The following TCF20 variants were observed in gnomAD, a reference collection of about 807,000 sequenced individuals.
TCF20 encodes transcription factor 20, also known as SPRE-binding protein.
TCF20 carries 3 observed loss-of-function variants against 148.6 expected under a neutral mutation model. The ratio of observed to expected loss-of-function variants is 0.02; its 90% confidence interval spans 0.01 to 0.05. The LOEUF (loss-of-function observed/expected upper bound fraction) is 0.05. Ranked by LOEUF, TCF20 falls within the 10% of genes least tolerant of loss-of-function variation. The pLI, the probability that TCF20 is intolerant of heterozygous loss-of-function variation, is 1.00. For missense variants in TCF20, 2,350 were observed against 2,429.3 expected (o/e 0.97, Z 0.69); for synonymous variants, 1,049 against 909.5 (o/e 1.15, Z -2.76).
rs968949742 is a variant in TCF20 at position 42,276,917 on chromosome 22, G to A, written c.-37+6910C>T. 3 of 152,154 alleles carry A rather than the reference G, an allele frequency of 2.0e-5. No individual in the cohort carries two copies. The East Asian group carries it at 5.8e-4, about 29-fold the overall frequency. 9.4% of individuals were successfully genotyped at this position (152,154 alleles called of 1,614,324 possible). ...CACTTTTCCCTGCCCACCCATCCCT[G>A]TGGCGGATTCATTACAGTTATCCAA... is the stretch of plus-strand genomic sequence containing the variant. On this transcript the variant is annotated intron_variant, in intron 1 of 5. Coordinates refer to the TCF20 transcript ENST00000359486.
chr22:42,242,754 G>A (rs947488616), intron 1 of TCF20, among the ~76,000 whole-genome samples: 3 of 151,966 alleles, frequency 2.0e-5, no homozygotes, highest in African/African-American at 4.8e-5. Flanking sequence ...AAGGGTGGTG[G>A]TGGGCACCTG....
Position 42,214,941 on chromosome 22 carries a change from T to C in TCF20, c.365A>G (p.Gln122Arg). 6.2e-7 allele frequency: 1 copy of C among 1,614,102 alleles called. No homozygotes were observed. Among genetic ancestry groups the C allele is most frequent in the South Asian group, 1.1e-5 (1 of 91,080 alleles). ...SGPVQSYGPP[Q>R]GSSFGNQYGS... ...ATACTGATTGCCAAAGCTGCTCCCC[T>C]GGGGGGGTCCATAGCTCTGCACAGG... is the stretch of plus-strand genomic sequence containing the variant. The change falls in exon 2 of 6, where the codon CAG becomes CGG. Residue 122 changes from glutamine to arginine, a missense_variant. By Grantham distance (43) the Gln-to-Arg change is conservative. Transcript: ENST00000677622.
In TCF20 at chr22:42,213,858, T is replaced by C; in HGVS notation, c.1448A>G (p.Lys483Arg). The change falls in exon 2 of 6, where the codon AAG becomes AGG. Residue 483 changes from lysine (K) to arginine (R), a missense_variant. Around this residue, in one of 7 missense-constraint regions of TCF20, gnomAD observed 1,641 missense variants for 1,662.6 expected, o/e 0.99. Transcript: ENST00000677622. ...AGATGAGGGCCTCTTGGAGGTCTTCTTCTGAGGAGTCAGGGCATCAGAAAG... is the reference window on the plus strand; with the variant it reads ...AGATGAGGGCCTCTTGGAGGTCTTCCTCTGAGGAGTCAGGGCATCAGAAAG... The part of the protein sequence containing the change: ...MLLSDALTPQ[K>R]KTSKRPSSSK... The C allele has an allele frequency of 2.5e-6, 4 of 1,614,226 alleles. No individual in the cohort carries two copies. Among genetic ancestry groups the C allele is most frequent in the Non-Finnish European group, 3.4e-6 (4 of 1,180,046 alleles).
At chr22:42,284,798 C>G (rs560805222), upstream of TCF20, among the ~76,000 whole-genome samples, 4 of 152,240 alleles carry the variant, frequency 2.6e-5, no homozygotes. Context: ...CTACTACCTG[C>G]AAGCCCAGCA....
rs770464679 is a variant in TCF20 at position 42,179,581 on chromosome 22, T to C, written c.5749+28A>G. The C allele has an allele frequency of 1.1e-5, 16 of 1,523,374 alleles. No individual in the cohort carries two copies. In the Admixed American group the frequency reaches 1.5e-4, roughly 14 times the overall value. The allele number at this position is 1,523,374 out of a possible 1,614,324, so 94.4% of individuals were successfully genotyped here. On this transcript the variant is annotated intron_variant, in intron 3 of 5. Coordinates refer to ENST00000677622, the MANE Select transcript of TCF20 (RefSeq NM_001378418.1). ...GTATGTCCTAATCCTTTGGATGCTC[T>C]GGACAAGGGTCTGTGGTCTCCTCTT...
chr22:42,321,027 G>A (rs1435668694), intron 1 of TCF20, among the ~76,000 whole-genome samples: 1 of 152,220 alleles, frequency 6.6e-6, no homozygotes, highest in Non-Finnish European at 1.5e-5. Flanking sequence ...ATAACATTAT[G>A]GCTGAGAATT....
At position 42,214,211 on chromosome 22, in the gene TCF20, G is replaced by A; in HGVS notation, c.1095C>T (p.Ser365=). The A allele has an allele frequency of 6.2e-7, 1 of 1,614,252 alleles. No homozygotes were observed. Among genetic ancestry groups the A allele is most frequent in the Non-Finnish European group, 8.5e-7 (1 of 1,180,046 alleles). Residue 365 remains serine (S), a synonymous_variant, in exon 2 of 6, where the codon AGC becomes AGT. Coordinates refer to ENST00000677622, the MANE Select transcript of TCF20 (RefSeq NM_001378418.1). ...CAGCTGGAGAAGGGTTAGAAATGGGGCTGAAGTTCTGGTGAAACTGCATGG... is the reference window on the plus strand; with the variant it reads ...CAGCTGGAGAAGGGTTAGAAATGGGACTGAAGTTCTGGTGAAACTGCATGG... The part of the protein sequence containing the change: ...RSPMQFHQNF[S]PISNPSPAAS...
upstream of TCF20, among the ~76,000 whole-genome samples, chr22:42,270,734 G>A (rs1926575837): frequency 7.0e-6 from 1 of 143,182 alleles, no homozygotes; most frequent in African/African-American, 2.5e-5. Context: ...GCGCGGCGGG[G>A]CGGGGCGCGC....
chr22:42,212,153 G>T lies in TCF20; in HGVS notation c.3153C>A (p.Pro1051=), dbSNP rs1412908475. The T allele has an allele frequency of 6.2e-7, 1 of 1,614,212 alleles. No individual in the cohort carries two copies. The highest frequency in any genetic ancestry group is 8.5e-7 in the Non-Finnish European group (1 of 1,180,044). Reference sequence around the variant, plus strand: ...CCAGGGTTTCTGAGTTGGGAGAAAAGGGAGTGTGTAAAGAACTCCGGTTAG... The same window carrying T: ...CCAGGGTTTCTGAGTTGGGAGAAAATGGAGTGTGTAAAGAACTCCGGTTAG... The part of the protein sequence containing the change: ...ERANRSSLHT[P]FSPNSETLAS... Residue 1051 remains proline, a synonymous_variant, in exon 2 of 6, where the codon CCC becomes CCA. Transcript: ENST00000677622.
At chr22:42,249,894 T>C (rs910677440) in intron 1 of TCF20, among the ~76,000 whole-genome samples, 1 of 152,198 alleles carries the variant, frequency 6.6e-6, no homozygotes, top group Non-Finnish European at 1.5e-5. Flanking sequence ...ATTTTTTTTT[T>C]GCAAACTGAA....
At chr22:42,285,304 A>G (rs1411891606), upstream of TCF20, among the ~76,000 whole-genome samples, 1 of 150,910 alleles carries the variant, frequency 6.6e-6, no homozygotes, top group Non-Finnish European at 1.5e-5. This position sits in a 1 kb window ranked among gnomAD's most constrained non-coding sequence, Gnocchi z 4.2. Context: ...CATCCTTCCC[A>G]TATCTAGGAT....
intron 5 of TCF20, among the ~76,000 whole-genome samples, chr22:42,164,773 G>T (rs182424770): frequency 6.6e-6 from 1 of 152,224 alleles, no homozygotes; most frequent in Non-Finnish European, 1.5e-5. Flanking sequence ...TGAGGAAGTA[G>T]GATTTAAGCT....
chr22:42,310,078 T>C (rs1015516809), intron 1 of TCF20, among the ~76,000 whole-genome samples: 2 of 152,146 alleles, frequency 1.3e-5, no homozygotes, highest in African/African-American at 2.4e-5. Flanking sequence ...AAGGTGGACT[T>C]TGAAGGATGT....
chr22:42,332,402 T>C (rs1229191710), intron 1 of TCF20, among the ~76,000 whole-genome samples: 1 of 152,070 alleles, frequency 6.6e-6, no homozygotes, highest in Non-Finnish European at 1.5e-5. Context: ...AGGATCTCGG[T>C]CTCATTCCAA....
Position 42,297,397 on chromosome 22 carries a change from G to A in TCF20, c.-37+46082C>T, listed in dbSNP as rs1052728539. Reference sequence around the variant, plus strand: ...GAGTGGGTCCTCATTTGCATTAGACGGTAAATCTAAGGACACTGGTTGTGC... The same window carrying A: ...GAGTGGGTCCTCATTTGCATTAGACAGTAAATCTAAGGACACTGGTTGTGC... On this transcript the variant is annotated intron_variant, in intron 1 of 1. Coordinates refer to the TCF20 transcript ENST00000515426. The surrounding 1 kb of genome is among the most constrained non-coding windows in gnomAD (Gnocchi z 4.3). Among the ~76,000 whole-genome samples the A allele has an allele frequency of 2.0e-5, 3 of 152,182 alleles. No homozygotes were observed. The highest frequency in any genetic ancestry group is 3.9e-4 in the East Asian group (2 of 5,192).
chr22:42,171,643 A>G (rs896994894), intron 3 of TCF20, among the ~76,000 whole-genome samples: 4 of 152,162 alleles, frequency 2.6e-5, no homozygotes, highest in African/African-American at 9.7e-5. Flanking sequence ...TTTAAAACCC[A>G]CAAGTACATA....
rs367783651 is a variant in TCF20, at chr22:42,161,510, G to T, written c.*45-152C>A. The stretch of plus-strand genomic sequence containing the variant: ...TGCTGCTGATATGGGACACACCCGA[G>T]ACCAATGCCAGGGCCACTGTGTGGC... On this transcript the variant is annotated intron_variant, in intron 5 of 5. Transcript: ENST00000677622. 6.3e-4 allele frequency: 609 copies of T among 969,820 alleles called. 5 individuals are homozygous for T. In the South Asian group the frequency reaches 8.5e-3, roughly 14 times the overall value. 60.1% of individuals were successfully genotyped at this position (969,820 alleles called of 1,614,324 possible).
chr22:42,254,818 A>G lies in TCF20; in HGVS notation c.-37+15521T>C, dbSNP rs574029066. 1.5e-3 allele frequency among the ~76,000 whole-genome samples: 226 copies of G among 152,122 alleles called. 1 individual carries two copies. The highest frequency in any genetic ancestry group is 0.014 in the Middle Eastern group (4 of 294). On this transcript the variant is annotated intron_variant, in intron 1 of 5. Coordinates refer to ENST00000677622, the MANE Select transcript of TCF20 (RefSeq NM_001378418.1). The stretch of plus-strand genomic sequence containing the variant: ...CGTCTCTACTAAAAATACAAAAATT[A>G]GCCGCGGGTGGAGGCGGGCGCCTGT...
chr22:42,212,939 A>T lies in TCF20; in HGVS notation c.2367T>A (p.Asn789Lys). The change falls in exon 2 of 6, where the codon AAT (asparagine) becomes AAA (lysine). Residue 789 changes from asparagine (N) to lysine (K), a missense_variant. Transcript: ENST00000677622. The stretch of plus-strand genomic sequence containing the variant: ...ATTCATTGGTTTGACTAACCAAGAC[A>T]TTGGGCCTTGTGGTTCCTTCTAGGC... Reference protein sequence around the residue: ...AGSLEGTTRPNVLVSQTNELA... With the variant: ...AGSLEGTTRPKVLVSQTNELA... 6.2e-7 allele frequency: 1 copy of T among 1,614,148 alleles called. No homozygotes were observed. Among genetic ancestry groups the T allele is most frequent in the Non-Finnish European group, 8.5e-7 (1 of 1,180,024 alleles).
Sources: allele counts gnomAD v4.1 joint callset (sites outside exome capture counted in the v4.1 genomes callset), GRCh38; gene constraint gnomAD v4.1.1; regional missense constraint gnomAD v4.1.1; non-coding constraint Gnocchi (gnomAD v3.1); transcripts MANE v1.5; gene names NCBI Gene and HGNC (gene_info 2026-07-23, HGNC 2026-07-21).